The following DUOX2 variants were observed in gnomAD, a reference collection of about 807,000 sequenced individuals.
The protein encoded by DUOX2 is NADH/NADPH thyroid oxidase p138-tox.
A neutral mutation model predicts 183.3 loss-of-function variants in DUOX2; 185 were observed. That is an observed-to-expected ratio of 1.01 (90% CI 0.90 to 1.14). The LOEUF (loss-of-function observed/expected upper bound fraction) is 1.14. Among genes scored for constraint, DUOX2 ranks in the 50% most tolerant of loss-of-function variants. The pLI is 0.00. For synonymous variants in DUOX2, 788 were observed against 812.4 expected (o/e 0.97, Z 0.51); for missense variants, 1,999 against 2,022.9 (o/e 0.99, Z 0.23).
At chr15:45,094,306 A>G (rs1235252286) in intron 33 of DUOX2, 34 bp from the exon 34 acceptor site, 4 of 1,613,966 alleles carry the variant, frequency 2.5e-6, no homozygotes, top group Non-Finnish European at 3.4e-6. Context: ...AGGGGCCTGC[A>G]GCCTAAAGGT....
chr15:45,101,703 A>G (rs988321618), intron 21 of DUOX2, 90 bp downstream of exon 21: 33 of 1,561,048 alleles, frequency 2.1e-5, no homozygotes, highest in Non-Finnish European at 2.8e-5. Context: ...GGACTCAGAA[A>G]AGAGTAAGAC....
At chr15:45,099,014 T>C (rs1423315404) in intron 26 of DUOX2, 3 of 149,090 alleles carry the variant, frequency 2.0e-5, no homozygotes, top group Admixed American at 6.8e-5. Flanking sequence ...TATTTCTTTC[T>C]TTTTTTTTTT....
Position 45,112,584 on chromosome 15 carries a change from G to T in DUOX2, c.295C>A (p.His99Asn), listed in dbSNP as rs760259623. 3 of 1,613,116 alleles carry T rather than the reference G, an allele frequency of 1.9e-6. 1 individual carries two copies. Among genetic ancestry groups the T allele is most frequent in the South Asian group, 1.1e-5 (1 of 91,076 alleles). ...AAGACCCCCAGTACGGTGCGGTTGTGGAGCGACGGCAGGCCGGCTATGCCC... is the reference window on the plus strand; with the variant it reads ...AAGACCCCCAGTACGGTGCGGTTGTTGAGCGACGGCAGGCCGGCTATGCCC... Reference protein sequence around the residue: ...TRGIAGLPSLHNRTVLGVFFG... With the variant: ...TRGIAGLPSLNNRTVLGVFFG... Residue 99 changes from histidine to asparagine, a missense_variant, in exon 4 of 34, where the codon CAC (histidine) becomes AAC (asparagine). Around this residue, in one of 3 missense-constraint regions of DUOX2, gnomAD observed 356 missense variants for 356.4 expected, o/e 1.00. Coordinates refer to ENST00000389039, the MANE Select transcript of DUOX2 (RefSeq NM_001363711.2).
Position 45,106,889 on chromosome 15 carries a change from C to T in DUOX2, c.1774G>A (p.Glu592Lys), listed in dbSNP as rs1894233118. 1.9e-6 allele frequency: 3 copies of T among 1,585,580 alleles called. No homozygotes were observed. The highest frequency in any genetic ancestry group is 2.6e-6 in the Non-Finnish European group (3 of 1,166,614). Residue 592 changes from glutamate (E) to lysine (K), a missense_variant, in exon 15 of 34, where the codon GAA becomes AAA. Transcript: ENST00000389039. ...CAPLTVLDFF[E>K]GSSPGFAITI... is the part of the protein sequence containing the mutation. ...ATGGCAAAACCAGGGCTGCTGCCTTCAAAGAAGTCAAGCACAGTCAGGGGT... is the reference window on the plus strand; with the variant it reads ...ATGGCAAAACCAGGGCTGCTGCCTTTAAAGAAGTCAAGCACAGTCAGGGGT...
In DUOX2 at chr15:45,109,902, G is replaced by A. The variant is rs779369104; in HGVS notation, c.1119C>T (p.Tyr373=). 6.2e-7 allele frequency: 1 copy of A among 1,614,142 alleles called. No individual in the cohort carries two copies. The highest frequency in any genetic ancestry group is 1.1e-5 in the South Asian group (1 of 91,076). Residue 373 remains tyrosine (Y), a synonymous_variant, in exon 10 of 34, where the codon TAC becomes TAT. Transcript: ENST00000389039. ...ACCCCAGTCTGACCTCCCGAATCCA[G>A]TAGTTGTTGCAGACCCTGAGAGCTT... ...SSQALRVCNN[Y]WIRENPNLNS...
rs139052727 is a variant in DUOX2 at position 45,103,459 on chromosome 15, G to A, written c.2654+501C>T. On this transcript the variant is annotated intron_variant, in intron 20 of 33. Transcript: ENST00000389039. ...AAGCACAAAGCTGTTTTTTTTTACC[G>A]GCACAACAAAACCAGAAAGGGCTTA... is the stretch of plus-strand genomic sequence containing the variant. Among the ~76,000 whole-genome samples the A allele has an allele frequency of 1.8e-3, 270 of 152,086 alleles. 1 individual carries two copies. Among genetic ancestry groups the A allele is most frequent in the Admixed American group, 5.9e-3 (90 of 15,274 alleles).
chr15:45,106,799 G>A (rs911081404), intron 15 of DUOX2, 33 bp downstream of exon 15: 1 of 1,598,364 alleles, frequency 6.3e-7, no homozygotes. Context: ...GAGGGGCAGG[G>A]CCAGTCTGCA....
intron 14 of DUOX2, 113 bp from the exon 15 acceptor site, chr15:45,107,082 A>G: frequency 6.8e-7 from 1 of 1,465,256 alleles, no homozygotes; most frequent in Non-Finnish European, 9.3e-7. Flanking sequence ...CCCCAGGCCC[A>G]CCTCCCTGAA....
chr15:45,107,531 A>G, intron 13 of DUOX2, 68 bp from the exon 14 acceptor site: 10 of 1,539,634 alleles, frequency 6.5e-6, no homozygotes, highest in Non-Finnish European at 8.1e-6. Flanking sequence ...CCCCAGGCCC[A>G]AGGACCCAGG....
chr15:45,113,306 G>A (rs1359495268), intron 2 of DUOX2, 36 bp downstream of exon 2: 2 of 1,551,092 alleles, frequency 1.3e-6, no homozygotes, highest in African/African-American at 1.4e-5. Flanking sequence ...AGGGATCCTG[G>A]GGAACACCCC....
intron 26 of DUOX2, chr15:45,099,017 T>C (rs1305450951): frequency 2.0e-5 from 5 of 255,144 alleles, no homozygotes; most frequent in South Asian, 9.9e-5. Flanking sequence ...TTCTTTCTTT[T>C]TTTTTTTTTT....
chr15:45,094,805 G>T, intron 32 of DUOX2, 114 bp from the exon 33 acceptor site: 5 of 1,594,472 alleles, frequency 3.1e-6, no homozygotes, highest in Non-Finnish European at 4.3e-6. Flanking sequence ...TGGAGGCTGA[G>T]GATCAGGCCA....
chr15:45,110,405 C>T, intron 9 of DUOX2, 23 bp downstream of exon 9: 1 of 1,605,450 alleles, frequency 6.2e-7, no homozygotes. Context: ...TGTGGTGCCC[C>T]TCTCTGCCAA....
chr15:45,110,326 T>C (rs1295061116), intron 9 of DUOX2, 102 bp downstream of exon 9: 3 of 1,190,170 alleles, frequency 2.5e-6, no homozygotes, highest in Non-Finnish European at 3.5e-6. Flanking sequence ...CTTCCCCTTC[T>C]CTAGTGAAAC....
chr15:45,111,412 G>A lies in DUOX2; in HGVS notation c.687C>T (p.Thr229=), dbSNP rs1468931083. 3.4e-6 allele frequency: 5 copies of A among 1,490,808 alleles called. No individual in the cohort carries two copies. In the East Asian group the frequency reaches 9.8e-5, roughly 29 times the overall value. 92.3% of individuals were successfully genotyped at this position (1,490,808 alleles called of 1,614,324 possible). The change falls in exon 6 of 34, where the codon ACC becomes ACT. Residue 229 remains threonine, a synonymous_variant. Transcript: ENST00000389039. ...LLMWAAPDPA[T]GQNGPRGLYA... ...ACAGCCCCCGGGGCCCGTTCTGCCCGGTGGCGGGGTCGGGCGCCGCCCACA... is the reference window on the plus strand; with the variant it reads ...ACAGCCCCCGGGGCCCGTTCTGCCCAGTGGCGGGGTCGGGCGCCGCCCACA...
chr15:45,101,896 C>T lies in DUOX2; in HGVS notation c.2748G>A (p.Lys916=). The T allele has an allele frequency of 1.2e-6, 2 of 1,614,220 alleles. No homozygotes were observed. The highest frequency in any genetic ancestry group is 1.3e-5 in the African/African-American group (1 of 75,050). Residue 916 remains lysine, a synonymous_variant, in exon 21 of 34, where the codon AAG becomes AAA. Transcript: ENST00000389039. ...SMFRESGFQD[K]EELTWEDFHF... The stretch of plus-strand genomic sequence containing the variant: ...GAAAATCCTCCCATGTCAGCTCCTC[C>T]TTGTCCTGGAATCCCGACTCCCGGA...
chr15:45,108,481 G>A, intron 12 of DUOX2: 3 of 597,428 alleles, frequency 5.0e-6, no homozygotes, highest in Non-Finnish European at 8.8e-6. Context: ...TCAATGATTA[G>A]CAGCTTCAGG....
At position 45,108,156 on chromosome 15, in the gene DUOX2, G is replaced by A. The variant is rs372981203; in HGVS notation, c.1465C>T (p.Leu489Phe). 5.0e-6 allele frequency: 8 copies of A among 1,614,044 alleles called. No individual in the cohort carries two copies. The East Asian group carries it at 6.7e-5, about 13-fold the overall frequency. The change falls in exon 13 of 34, where the codon CTC (leucine) becomes TTC (phenylalanine). Residue 489 changes from leucine to phenylalanine, a missense_variant. Leu to Phe is a conservative substitution (Grantham distance 22). Transcript: ENST00000389039. Reference sequence around the variant, plus strand: ...CCAGGGTCCCCATGGCTCTCCAGGAGCCCCCCAAGGAGCAGCTCTAGCTGG... The same window carrying A: ...CCAGGGTCCCCATGGCTCTCCAGGAACCCCCCAAGGAGCAGCTCTAGCTGG... ...LSQLELLLGG[L>F]LESHGDPGPL...
At position 45,097,939 on chromosome 15, in the gene DUOX2, A is replaced by G. The variant is rs1325134473; in HGVS notation, c.3565+70T>C. 7 of 1,554,158 alleles carry G rather than the reference A, an allele frequency of 4.5e-6. No homozygotes were observed. The East Asian group carries it at 1.6e-4, about 35-fold the overall frequency. On this transcript the variant is annotated intron_variant, in intron 27 of 33. Transcript: ENST00000389039. ...ACCCCATGGCCAGTATAGACAAGTG[A>G]GTATTCACAGAGAGATGGAGACAAA...
Sources: allele counts gnomAD v4.1 joint callset (sites outside exome capture counted in the v4.1 genomes callset), GRCh38; gene constraint gnomAD v4.1.1; regional missense constraint gnomAD v4.1.1; transcripts MANE v1.5; gene names NCBI Gene and HGNC (gene_info 2026-07-23, HGNC 2026-07-21).